The following MMP26 variants were observed in gnomAD, a reference collection of about 807,000 sequenced individuals.
The protein encoded by MMP26 is matrix metallopeptidase 26, also known as matrix metalloproteinase-26.
A neutral mutation model predicts 31.0 loss-of-function variants in MMP26; 33 were observed. That is an observed-to-expected ratio of 1.06 (90% CI 0.81 to 1.42). The LOEUF (loss-of-function observed/expected upper bound fraction) is 1.42, where lower values mean the gene tolerates loss of function less well. Among genes scored for constraint, MMP26 ranks in the 40% most tolerant of loss-of-function variants. MMP26 has a pLI of 0.00. For synonymous variants in MMP26, 122 were observed against 114.9 expected, an observed-to-expected ratio of 1.06 and a Z score of -0.40; for missense variants, 347 against 316.1, an observed-to-expected ratio of 1.10 and a Z score of -0.74.
intron 2 of MMP26, among the ~76,000 whole-genome samples, chr11:4,843,281 A>G (rs1017579104): frequency 5.3e-5 from 8 of 152,208 alleles, no homozygotes; most frequent in Non-Finnish European, 1.2e-4. Context: ...CTCCAACCCT[A>G]CATTTCCTCA....
intron 2 of MMP26, among the ~76,000 whole-genome samples, chr11:4,974,470 A>G (rs1395238462): frequency 6.6e-6 from 1 of 151,990 alleles, no homozygotes; most frequent in Non-Finnish European, 1.5e-5. Flanking sequence ...GTCATTCTTT[A>G]TAGAGGATTT....
intron 2 of MMP26, chr11:4,915,652 T>A: frequency 1.2e-6 from 2 of 1,611,676 alleles, no homozygotes; most frequent in Non-Finnish European, 1.7e-6. Flanking sequence ...TTCCCAGGGA[T>A]CCCAGGGTCA....
At chr11:4,961,898 C>T (rs2133621809) in intron 2 of MMP26, among the ~76,000 whole-genome samples, 1 of 152,242 alleles carries the variant, frequency 6.6e-6, no homozygotes, top group East Asian at 1.9e-4. Flanking sequence ...TTCAAGGATA[C>T]CTGTCTATAA....
chr11:4,853,779 C>T (rs1167118870), intron 2 of MMP26, among the ~76,000 whole-genome samples: 1 of 152,062 alleles, frequency 6.6e-6, no homozygotes, highest in African/African-American at 2.4e-5. Flanking sequence ...TTTATAAAAT[C>T]CTACTCAATC....
At chr11:4,731,931 TG>T (rs1393900088) in intron 1 of MMP26, among the ~76,000 whole-genome samples, 1 of 152,206 alleles carries the variant, frequency 6.6e-6, no homozygotes, top group African/African-American at 2.4e-5. Context: ...GCTCTTTATC[TG>T]GGTATGGGGT....
At chr11:4,850,612 TA>T (rs903008417) in intron 2 of MMP26, among the ~76,000 whole-genome samples, 3 of 151,922 alleles carry the variant, frequency 2.0e-5, no homozygotes, top group Admixed American at 2.0e-4. Context: ...AAAAGTAAAA[TA>T]AAAAAACTTG....
intron 1 of MMP26, among the ~76,000 whole-genome samples, chr11:4,758,445 G>T (rs1183474922): frequency 1.4e-5 from 2 of 143,240 alleles, no homozygotes; most frequent in Admixed American, 7.0e-5. Context: ...AAAGGAGTTA[G>T]GTAAGCTGAT....
chr11:4,828,330 T>C (rs1320081266), intron 2 of MMP26, among the ~76,000 whole-genome samples: 1 of 152,156 alleles, frequency 6.6e-6, no homozygotes, highest in Non-Finnish European at 1.5e-5. Flanking sequence ...ATTATCCTAC[T>C]CACTGACGAT....
intron 2 of MMP26, chr11:4,914,966 A>G: frequency 6.2e-7 from 1 of 1,614,146 alleles, no homozygotes; most frequent in Non-Finnish European, 8.5e-7. Context: ...CCTGGAGGCG[A>G]TGGACAGCAC....
intron 2 of MMP26, among the ~76,000 whole-genome samples, chr11:4,829,972 T>C (rs1300225068): frequency 6.6e-6 from 1 of 152,226 alleles, no homozygotes; most frequent in Admixed American, 6.5e-5. Flanking sequence ...AAGCCGTCAC[T>C]GTGATTCAGA....
At chr11:4,728,454 C>T (rs1210521420) in intron 1 of MMP26, among the ~76,000 whole-genome samples, 1 of 152,126 alleles carries the variant, frequency 6.6e-6, no homozygotes, top group African/African-American at 2.4e-5. Flanking sequence ...GCCTTGTCCC[C>T]CTTGCCTAGA....
chr11:4,957,822 G>A (rs1189898906), intron 2 of MMP26, among the ~76,000 whole-genome samples: 1 of 152,020 alleles, frequency 6.6e-6, no homozygotes, highest in Non-Finnish European at 1.5e-5. Flanking sequence ...GGGACTACAG[G>A]TGTGAGCCAA....
chr11:4,756,958 C>G (rs1564902294), intron 1 of MMP26, among the ~76,000 whole-genome samples: 1 of 152,018 alleles, frequency 6.6e-6, no homozygotes, highest in Non-Finnish European at 1.5e-5. Flanking sequence ...CTTAATGGAG[C>G]TATAAATTTA....
intron 2 of MMP26, chr11:4,924,332 A>T (rs553080407): frequency 6.2e-7 from 1 of 1,604,084 alleles, no homozygotes; most frequent in East Asian, 2.2e-5. Context: ...ATTAAGAAGA[A>T]TTGTCATAGC....
At chr11:4,938,881 C>T (rs1846168416) in intron 2 of MMP26, among the ~76,000 whole-genome samples, 2 of 152,086 alleles carry the variant, frequency 1.3e-5, no homozygotes, top group Admixed American at 6.6e-5. Context: ...TAGTCTTACC[C>T]TCCTTCCTGT....
chr11:4,734,622 T>G (rs1400667740), intron 1 of MMP26, among the ~76,000 whole-genome samples: 2 of 147,416 alleles, frequency 1.4e-5, no homozygotes, highest in Non-Finnish European at 3.0e-5. Context: ...TAATTCCCTT[T>G]GGGATTTTTT....
intron 2 of MMP26, chr11:4,915,386 C>A (rs769587652): frequency 1.2e-6 from 2 of 1,614,002 alleles, no homozygotes; most frequent in Admixed American, 3.3e-5. Context: ...TTCTCGTGCT[C>A]CAACCCAAAA....
chr11:4,922,333 A>G (rs191263602), intron 2 of MMP26, among the ~76,000 whole-genome samples: 27 of 151,900 alleles, frequency 1.8e-4, no homozygotes, highest in African/African-American at 5.6e-4. Flanking sequence ...TGCTGTTTAA[A>G]ACCCTCTCCT....
At position 4,803,586 on chromosome 11, in the gene MMP26, G is replaced by A. The variant is rs1170310688; in HGVS notation, c.-145+36245G>A. The A allele has an allele frequency of 1.9e-6, 3 of 1,614,034 alleles. No homozygotes were observed. In the South Asian group the frequency reaches 3.3e-5, roughly 18 times the overall value. On this transcript the variant is annotated intron_variant, in intron 2 of 7. Coordinates refer to ENST00000380390, the MANE Select transcript of MMP26 (RefSeq NM_021801.5). ...CTCGGGGCACATCATGGCCAAAGCG[G>A]TAGGTGAGGAAAGAAAAAAGGGCTG...
Sources: allele counts gnomAD v4.1 joint callset (sites outside exome capture counted in the v4.1 genomes callset), GRCh38; gene constraint gnomAD v4.1.1; transcripts MANE v1.5; gene names NCBI Gene and HGNC (gene_info 2026-07-23, HGNC 2026-07-21).